SLC25A48: variants seen among roughly 807,000 people sequenced by gnomAD.
SLC25A48 encodes the protein solute carrier family 25 member 48, also known as CTC-321K16.1.
In SLC25A48, 29 loss-of-function variants were observed where a neutral mutation model predicts 32.2. The ratio of observed to expected loss-of-function variants is 0.90; its 90% CI spans 0.67 to 1.23. The LOEUF is 1.23. Ranked by LOEUF, SLC25A48 falls within the 50% of genes most tolerant of loss-of-function variation. SLC25A48 has a pLI of 0.00. For synonymous variants in SLC25A48, 164 were observed against 172.3 expected (o/e 0.95, Z 0.38); for missense variants, 399 against 422.7 (o/e 0.94, Z 0.49).
intron 3 of SLC25A48, among the ~76,000 whole-genome samples, chr5:135,724,825 A>G (rs1755050806): frequency 6.6e-6 from 1 of 152,248 alleles, no homozygotes; most frequent in Non-Finnish European, 1.5e-5. Flanking sequence ...TGGTGCCATC[A>G]TGTAACCAGA....
intron 3 of SLC25A48, among the ~76,000 whole-genome samples, chr5:135,701,784 G>A (rs1181400108): frequency 6.6e-6 from 1 of 152,170 alleles, no homozygotes; most frequent in Non-Finnish European, 1.5e-5. Flanking sequence ...ATCCTTGGGT[G>A]AACTCGAGAT....
chr5:135,872,167 G>C (rs1292293398), intron 5 of SLC25A48: 1 of 249,784 alleles, frequency 4.0e-6, no homozygotes, highest in African/African-American at 1.4e-4. Flanking sequence ...TGACAGTATA[G>C]CAGGACTCTG....
At chr5:135,786,515 G>A (rs147191458) in intron 3 of SLC25A48, among the ~76,000 whole-genome samples, 1 of 152,190 alleles carries the variant, frequency 6.6e-6, no homozygotes, top group Non-Finnish European at 1.5e-5. Context: ...TTGTCTTAAT[G>A]TCACCGTGGC....
intron 6 of SLC25A48, 87 bp from the exon 7 acceptor site, chr5:135,879,881 G>T: frequency 6.7e-7 from 1 of 1,488,928 alleles, no homozygotes; most frequent in Non-Finnish European, 8.9e-7. Context: ...TGGGTAGGCA[G>T]CACCACTAGC....
chr5:135,879,824 G>A (rs1762329569), intron 6 of SLC25A48, 144 bp from the exon 7 acceptor site: 3 of 1,167,194 alleles, frequency 2.6e-6, no homozygotes, highest in Non-Finnish European at 3.5e-6. Context: ...TTCCCTGTGT[G>A]GTCTCTGCCT....
intron 7 of SLC25A48, among the ~76,000 whole-genome samples, chr5:135,887,333 G>A (rs548075643): frequency 2.6e-5 from 4 of 152,164 alleles, no homozygotes; most frequent in Non-Finnish European, 5.9e-5. Flanking sequence ...AAACTCCACC[G>A]TATGCTTGTG....
chr5:135,672,667 G>T (rs1753683008), intron 3 of SLC25A48, among the ~76,000 whole-genome samples: 1 of 152,124 alleles, frequency 6.6e-6, no homozygotes, highest in Non-Finnish European at 1.5e-5. Flanking sequence ...AACATCCCCT[G>T]TTTTTTTCGT....
At chr5:135,793,926 G>T (rs146790711) in intron 3 of SLC25A48, among the ~76,000 whole-genome samples, 3 of 147,910 alleles carry the variant, frequency 2.0e-5, no homozygotes, top group Non-Finnish European at 4.5e-5. Context: ...GATATTATTC[G>T]TAATATTCTG....
At chr5:135,686,393 C>G (rs1445326440) in intron 3 of SLC25A48, among the ~76,000 whole-genome samples, 1 of 152,204 alleles carries the variant, frequency 6.6e-6, no homozygotes, top group Non-Finnish European at 1.5e-5. Flanking sequence ...TGTTTGCACT[C>G]CAGCCACACT....
intron 3 of SLC25A48, among the ~76,000 whole-genome samples, chr5:135,646,046 C>T (rs1360811834): frequency 6.6e-6 from 1 of 151,932 alleles, no homozygotes; most frequent in Non-Finnish European, 1.5e-5. Context: ...GAAAAAGAGC[C>T]TTAGGAAGTG....
At chr5:135,754,561 TATG>T (rs910112986) in intron 3 of SLC25A48, among the ~76,000 whole-genome samples, 19 of 152,042 alleles carry the variant, frequency 1.2e-4, no homozygotes, top group Admixed American at 1.2e-3. Flanking sequence ...GATTACACAC[TATG>T]ATATGAATGA....
intron 6 of SLC25A48, among the ~76,000 whole-genome samples, chr5:135,874,365 C>A (rs1226117195): frequency 6.6e-6 from 1 of 152,232 alleles, no homozygotes; most frequent in Non-Finnish European, 1.5e-5. Flanking sequence ...TGTGACCTGA[C>A]AGAGGTTCAG....
intron 3 of SLC25A48, among the ~76,000 whole-genome samples, chr5:135,708,361 T>C (rs1754571328): frequency 6.6e-6 from 1 of 152,196 alleles, no homozygotes; most frequent in African/African-American, 2.4e-5. Context: ...AGCTCAGAAA[T>C]ACTTCCCAGC....
rs150835497 is a variant in SLC25A48 at position 135,868,235 on chromosome 5, G to A, written c.422-3226G>A. Among the ~76,000 whole-genome samples, 1,488 of 152,262 alleles carry A rather than the reference G, an allele frequency of 9.8e-3. 16 individuals carry two copies. The highest frequency in any genetic ancestry group is 0.014 in the Non-Finnish European group (975 of 68,026). On this transcript the variant is annotated intron_variant, in intron 4 of 7. Transcript: ENST00000681962. ...AATGAGACTTAAGAATGGGGAGGAGGTCCAGCCAAGAATGCATGACCACAA... is the reference window on the plus strand; with the variant it reads ...AATGAGACTTAAGAATGGGGAGGAGATCCAGCCAAGAATGCATGACCACAA...
chr5:135,887,527 G>T (rs538415484), intron 7 of SLC25A48, among the ~76,000 whole-genome samples: 1 of 151,912 alleles, frequency 6.6e-6, no homozygotes, highest in African/African-American at 2.4e-5. Context: ...TCGCCCAAAG[G>T]CTGATACCCT....
At chr5:135,679,323 C>T (rs1753840037) in intron 3 of SLC25A48, among the ~76,000 whole-genome samples, 1 of 152,122 alleles carries the variant, frequency 6.6e-6, no homozygotes. Context: ...TCCTCAGGCC[C>T]CTGGACAGCA....
At chr5:135,727,330 G>C (rs1755114327) in intron 3 of SLC25A48, among the ~76,000 whole-genome samples, 1 of 151,734 alleles carries the variant, frequency 6.6e-6, no homozygotes, top group East Asian at 1.9e-4. Flanking sequence ...TCAGATATGT[G>C]GTTTGCAAAT....
rs1259020040 is a variant in SLC25A48 at position 135,703,894 on chromosome 5, T to TG, written c.-521+68944dup. ...TTCTGCGTACTGTGCCCTTAAGATC[T>TG]GGGGGGAAAGGACCACAGAGTCATG... On this transcript the variant is annotated intron_variant, in intron 3 of 10. Transcript: ENST00000646290. 3.3e-5 allele frequency among the ~76,000 whole-genome samples: 5 copies of TG among 152,304 alleles called. 1 individual carries two copies. The highest frequency in any genetic ancestry group is 9.6e-5 in the African/African-American group (4 of 41,564).
chr5:135,835,101 G>A (rs1268527524), intron 1 of SLC25A48: 2 of 719,558 alleles, frequency 2.8e-6, no homozygotes, highest in Non-Finnish European at 2.5e-6. Context: ...AGCGTTTCGG[G>A]CTGAGCTTCT....
Sources: gnomAD v4.1 joint callset for allele counts (sites outside exome capture counted in the v4.1 genomes callset) on GRCh38, gnomAD v4.1.1 for gene constraint, MANE v1.5 for transcripts, NCBI Gene and HGNC (gene_info 2026-07-23, HGNC 2026-07-21) for gene names.